Variants in MBP observed in about 807,000 individuals in gnomAD.
MBP encodes myelin basic protein.
Under a neutral mutation model 35.8 loss-of-function variants are expected in MBP, and 16 were observed. The ratio of observed to expected loss-of-function variants is 0.45; its 90% confidence interval spans 0.30 to 0.68. The LOEUF (loss-of-function observed/expected upper bound fraction) is 0.68. Among genes scored for constraint, MBP ranks in the 30% least tolerant of loss-of-function variants. MBP has a pLI of 0.08. For synonymous variants in MBP, 143 were observed against 159.6 expected (o/e 0.90, Z 0.78); for missense variants, 380 against 404.7 (o/e 0.94, Z 0.52).
rs867127108 is a variant in MBP, at chr18:77,028,743, G to T, written c.140-11475C>A. ...TCCCGGACGGGGCGGCTGGCCAGGC[G>T]GGGGGCTGATCCCCCCACCTCCCTC... On this transcript the variant is annotated intron_variant, in intron 3 of 8. Coordinates refer to ENST00000355994, the MANE Select transcript of MBP (RefSeq NM_001025101.2). Among the ~76,000 whole-genome samples, 526 of 98,334 alleles carry T rather than the reference G, an allele frequency of 5.3e-3. 14 individuals are homozygous for T. The highest frequency in any genetic ancestry group is 0.014 in the African/African-American group (494 of 34,296). 64.5% of individuals were successfully genotyped at this position (98,334 alleles called of 152,430 possible).
chr18:77,038,462 A>T (rs559212787), intron 3 of MBP, among the ~76,000 whole-genome samples: 5 of 152,304 alleles, frequency 3.3e-5, no homozygotes, highest in African/African-American at 1.2e-4. Context: ...ACTCAACAGC[A>T]CGCTGGCAGT....
intron 4 of MBP, chr18:77,002,912 A>G (rs1970713689): frequency 6.6e-6 from 1 of 152,242 alleles, no homozygotes; most frequent in Admixed American, 6.5e-5. Flanking sequence ...TTATGAAGCT[A>G]TTGGCTAGAA....
rs543536160 is a variant in MBP at position 77,064,101 on chromosome 18, C to T, written c.139+2197G>A. On this transcript the variant is annotated intron_variant, in intron 3 of 8. Coordinates refer to ENST00000355994, the MANE Select transcript of MBP (RefSeq NM_001025101.2). ...AAACCTAAATTTGGACATTTGTCTT[C>T]GTGCTTTTCTATTACGTCTTTATAT... Among the ~76,000 whole-genome samples the T allele has an allele frequency of 1.4e-4, 21 of 152,242 alleles. No homozygotes were observed. In the South Asian group the frequency reaches 2.5e-3, roughly 18 times the overall value.
intron 3 of MBP, among the ~76,000 whole-genome samples, chr18:77,039,865 AC>A (rs1972915114): frequency 6.6e-6 from 1 of 152,168 alleles, no homozygotes; most frequent in African/African-American, 2.4e-5. Context: ...CTGTCCGGTC[AC>A]CCGAATACAG....
chr18:77,110,692 T>C (rs566118265), intron 1 of MBP, among the ~76,000 whole-genome samples: 21 of 152,192 alleles, frequency 1.4e-4, no homozygotes, highest in Non-Finnish European at 2.1e-4. Context: ...CATAAGTGTG[T>C]ATGGAACTTT....
Position 77,130,562 on chromosome 18 carries a change from A to T in MBP, c.-26+2018T>A, listed in dbSNP as rs984427003. Among the ~76,000 whole-genome samples the T allele has an allele frequency of 1.2e-3, 181 of 152,180 alleles. 1 individual carries two copies. Among genetic ancestry groups the T allele is most frequent in the Non-Finnish European group, 4.1e-4 (28 of 68,024 alleles). The stretch of plus-strand genomic sequence containing the variant: ...AGAAAAGGCACAGAGGCAGCTGCTC[A>T]TCTTAAGCATGTCATATTTTTAAAG... On this transcript the variant is annotated intron_variant, in intron 1 of 8. Coordinates refer to ENST00000355994, the MANE Select transcript of MBP (RefSeq NM_001025101.2).
chr18:77,028,896 T>TG (rs1568301525), intron 3 of MBP, among the ~76,000 whole-genome samples: 1 of 100,038 alleles, frequency 1.0e-5, no homozygotes, highest in African/African-American at 3.3e-5. Flanking sequence ...CCAGATGGGA[T>TG]GGCGGCCGGG....
intron 7 of MBP, chr18:76,985,734 G>A: frequency 9.9e-7 from 1 of 1,006,572 alleles, no homozygotes; most frequent in Non-Finnish European, 1.2e-6. Context: ...GGCAAGGGCA[G>A]GAACCTCTCT....
chr18:77,099,263 TG>T (rs1179079074), intron 2 of MBP, among the ~76,000 whole-genome samples: 2 of 152,096 alleles, frequency 1.3e-5, no homozygotes, highest in Non-Finnish European at 2.9e-5. Context: ...GCAGGGGGCG[TG>T]GGCACGGCCA....
chr18:77,040,046 A>G (rs73968260), intron 3 of MBP, among the ~76,000 whole-genome samples: 1,796 of 152,334 alleles, frequency 0.012, 41 homozygotes, highest in African/African-American at 0.041. Flanking sequence ...ACAAAATCAC[A>G]TAGAAATTAT....
At chr18:77,016,747 C>A (rs545578102) in intron 4 of MBP, 85 bp downstream of exon 4, 290 of 1,539,854 alleles carry the variant, frequency 1.9e-4, no homozygotes, top group Non-Finnish European at 2.2e-4. Flanking sequence ...CGTGCCAGTT[C>A]TTCCTCTAAT....
chr18:76,991,469 C>T (rs1343444805), intron 4 of MBP, among the ~76,000 whole-genome samples: 2 of 152,216 alleles, frequency 1.3e-5, no homozygotes, highest in Admixed American at 1.3e-4. Context: ...TTGCAGACTT[C>T]ATGCATTGTC....
intron 3 of MBP, among the ~76,000 whole-genome samples, chr18:77,029,301 C>G (rs1298956144): frequency 1.3e-5 from 2 of 149,596 alleles, no homozygotes; most frequent in Admixed American, 6.6e-5. Context: ...ATCGCAGGCA[C>G]TCGGCAGGCT....
intron 2 of MBP, among the ~76,000 whole-genome samples, chr18:77,093,947 C>T (rs938531520): frequency 5.3e-5 from 8 of 151,498 alleles, no homozygotes; most frequent in Non-Finnish European, 1.0e-4. Flanking sequence ...AGGTTATTGA[C>T]TATTCACGGG....
intron 3 of MBP, among the ~76,000 whole-genome samples, chr18:77,052,122 C>T (rs549208282): frequency 2.0e-5 from 3 of 152,274 alleles, no homozygotes; most frequent in African/African-American, 7.2e-5. Flanking sequence ...AGTCTTCCTC[C>T]GATGTGCCCA....
At chr18:77,016,501 C>T in intron 4 of MBP, 1 of 1,183,280 alleles carries the variant, frequency 8.5e-7, no homozygotes, top group African/African-American at 1.5e-5. Flanking sequence ...CAAGCACACA[C>T]CACCAGAGAC....
intron 3 of MBP, among the ~76,000 whole-genome samples, chr18:77,043,821 T>C (rs915298793): frequency 7.9e-5 from 12 of 152,152 alleles, no homozygotes; most frequent in African/African-American, 2.9e-4. Context: ...CACATCTCTA[T>C]GGATTTAAGT....
At chr18:77,027,982 T>TTTTATTTATTTATTTAATTATTTATTTA (rs1972289936) in intron 3 of MBP, among the ~76,000 whole-genome samples, 1 of 145,340 alleles carries the variant, frequency 6.9e-6, no homozygotes, top group African/African-American at 2.6e-5. Context: ...CCCAGCTAAT[T>TTTTATTTATTTATTTAATTATTTATTTA]TTTATTTATT....
intron 4 of MBP, chr18:77,009,790 G>T: frequency 7.0e-7 from 1 of 1,438,514 alleles, no homozygotes; most frequent in Non-Finnish European, 9.5e-7. Flanking sequence ...GTGGCTGAGA[G>T]CTCAGGAAAC....
Sources: allele counts gnomAD v4.1 joint callset (sites outside exome capture counted in the v4.1 genomes callset), GRCh38; gene constraint gnomAD v4.1.1; transcripts MANE v1.5; gene names NCBI Gene and HGNC (gene_info 2026-07-23, HGNC 2026-07-21).